ZMAT2: variants seen among roughly 807,000 people sequenced by gnomAD.
ZMAT2 encodes zinc finger matrin-type protein 2.
A neutral mutation model predicts 27.5 loss-of-function variants in ZMAT2; 5 were observed. The ratio of observed to expected loss-of-function variants is 0.18; its 90% CI spans 0.10 to 0.38. The LOEUF is 0.38. Among genes scored for constraint, ZMAT2 ranks in the 10% least tolerant of loss-of-function variants. The pLI, the probability that ZMAT2 is intolerant of heterozygous loss-of-function variation, is 1.00. For synonymous variants in ZMAT2, 76 were observed against 78.6 expected (o/e 0.97, Z 0.17); for missense variants, 124 against 243.9 (o/e 0.51, Z 3.27).
intron 2 of ZMAT2, 132 bp from the exon 3 acceptor site, chr5:140,701,870 TTTAA>T: frequency 9.6e-7 from 1 of 1,040,876 alleles, no homozygotes. Context: ...CAGCTGCTAC[TTTAA>T]GTGTCTGTTG....
chr5:140,703,618 T>G (rs1581560238), intron 3 of ZMAT2, among the ~76,000 whole-genome samples: 4 of 152,204 alleles, frequency 2.6e-5, no homozygotes, highest in Admixed American at 2.6e-4. Context: ...ACAGAAGGCA[T>G]GGTTTTTAAA....
At chr5:140,701,442 A>G (rs1177678003) in intron 2 of ZMAT2, among the ~76,000 whole-genome samples, 2 of 152,192 alleles carry the variant, frequency 1.3e-5, no homozygotes, top group Non-Finnish European at 2.9e-5. Context: ...TGTTTAAGAG[A>G]TTGCATAAAG....
chr5:140,704,733 A>G (rs1760023807), intron 5 of ZMAT2, among the ~76,000 whole-genome samples, 162 bp downstream of exon 5: 2 of 146,328 alleles, frequency 1.4e-5, no homozygotes, highest in South Asian at 2.1e-4. Context: ...TAGGATTCTC[A>G]TGATCTGAAG....
At chr5:140,701,279 C>T (rs1759959585) in intron 2 of ZMAT2, among the ~76,000 whole-genome samples, 1 of 152,100 alleles carries the variant, frequency 6.6e-6, no homozygotes, top group Non-Finnish European at 1.5e-5. Flanking sequence ...CTTGAAATTT[C>T]TTAAGGGAGA....
At chr5:140,701,242 A>G (rs550898829) in intron 2 of ZMAT2, among the ~76,000 whole-genome samples, 1 of 152,132 alleles carries the variant, frequency 6.6e-6, no homozygotes, top group Non-Finnish European at 1.5e-5. Flanking sequence ...GCTGTGCATT[A>G]CCGCTATCAG....
intron 3 of ZMAT2, among the ~76,000 whole-genome samples, chr5:140,703,094 C>T (rs1759993890): frequency 6.6e-6 from 1 of 152,140 alleles, no homozygotes; most frequent in African/African-American, 2.4e-5. Flanking sequence ...AAGCTGCAAT[C>T]AAGGAGTTGG....
At position 140,700,475 on chromosome 5, in the gene ZMAT2, C is replaced by G; in HGVS notation, c.15C>G (p.Ser5Arg). MASG[S>R]GTKNLDFRRK... ...TCGCTGTGAAGATGGCGTCGGGCAG[C>G]GGGGTAGGTGTTGTGTCTGAGGAGG... Residue 5 changes from serine (S) to arginine (R), a missense_variant, in exon 1 of 6, where the codon AGC becomes AGG. Physicochemically the swap from Ser to Arg is moderately radical, Grantham distance 110. Transcript: ENST00000274712. 1.2e-6 allele frequency: 2 copies of G among 1,612,856 alleles called. No individual in the cohort carries two copies. Among genetic ancestry groups the G allele is most frequent in the Non-Finnish European group, 8.5e-7 (1 of 1,179,824 alleles).
chr5:140,705,564 A>G (rs185430996), intron 5 of ZMAT2, 49 bp from the exon 6 acceptor site: 2 of 1,558,028 alleles, frequency 1.3e-6, no homozygotes, highest in East Asian at 2.3e-5. Flanking sequence ...GTTACAAACA[A>G]CATTTGGCTG....
At position 140,706,554 on chromosome 5, in the gene ZMAT2, A is replaced by G. The variant is rs1728076731; in HGVS notation, c.*798A>G. Reference sequence around the variant, plus strand: ...TTGGAAGAACCTGTTTGATGCAAAAAAGAAAATGAAAAACAAAACAAAAAA... The same window carrying G: ...TTGGAAGAACCTGTTTGATGCAAAAGAGAAAATGAAAAACAAAACAAAAAA... On this transcript the variant is annotated 3_prime_UTR_variant, in exon 6 of 6. Transcript: ENST00000274712. 6.6e-6 allele frequency: 1 copy of G among 152,658 alleles called. No homozygotes were observed. 9.5% of individuals were successfully genotyped at this position (152,658 alleles called of 1,614,324 possible). A position where few individuals can be genotyped will look rare whatever the true frequency, so the allele number is the denominator to read the frequency against.
chr5:140,704,629 T>C (rs1290782184), intron 5 of ZMAT2, 58 bp downstream of exon 5: 6 of 1,585,000 alleles, frequency 3.8e-6, no homozygotes, highest in Non-Finnish European at 4.3e-6. Flanking sequence ...TTATGAATCA[T>C]GGGAGACCCT....
chr5:140,705,758 G>C lies in ZMAT2; in HGVS notation c.*2G>C, dbSNP rs370191105. On this transcript the variant is annotated 3_prime_UTR_variant, in exon 6 of 6. Transcript: ENST00000274712. ...GGTTCCACCAAGAAGAGTTACTGAGGCTTTCTGTGCTTGGCCTGACTTTGG... is the reference window on the plus strand; with the variant it reads ...GGTTCCACCAAGAAGAGTTACTGAGCCTTTCTGTGCTTGGCCTGACTTTGG... 9 of 1,613,398 alleles carry C rather than the reference G, an allele frequency of 5.6e-6. No homozygotes were observed. The African/African-American group carries it at 1.1e-4, about 19-fold the overall frequency.
chr5:140,704,936 T>G (rs1760031328), intron 5 of ZMAT2, among the ~76,000 whole-genome samples: 1 of 152,098 alleles, frequency 6.6e-6, no homozygotes, highest in African/African-American at 2.4e-5. Context: ...CCTAACCTAC[T>G]GTAGTTTAGC....
rs1239572958 is a variant in ZMAT2, at chr5:140,704,816, A to T, written c.456+245A>T. ...TTTTTTTTTTTGTAATTTAAAAAAAAATTTTTTTTTTTTTTGGTCATACAG... is the reference window on the plus strand; with the variant it reads ...TTTTTTTTTTTGTAATTTAAAAAAATATTTTTTTTTTTTTTGGTCATACAG... On this transcript the variant is annotated intron_variant, in intron 5 of 5. Coordinates refer to ENST00000274712, the MANE Select transcript of ZMAT2 (RefSeq NM_144723.3). 8.2e-3 allele frequency among the ~76,000 whole-genome samples: 1,218 copies of T among 149,048 alleles called. 18 individuals are homozygous for T. Among genetic ancestry groups the T allele is most frequent in the African/African-American group, 0.027 (1,105 of 40,212 alleles).
At chr5:140,704,659 T>G (rs1281708899) in intron 5 of ZMAT2, 88 bp downstream of exon 5, 4 of 1,414,068 alleles carry the variant, frequency 2.8e-6, no homozygotes, top group Non-Finnish European at 3.8e-6. Flanking sequence ...CCACTCCTAC[T>G]CCCACCCCCA....
chr5:140,701,500 C>A (rs949648426), intron 2 of ZMAT2, among the ~76,000 whole-genome samples: 1 of 152,160 alleles, frequency 6.6e-6, no homozygotes, highest in African/African-American at 2.4e-5. Flanking sequence ...TTCTTCTTTC[C>A]CTTTACCTCC....
chr5:140,701,408 A>C (rs953333557), intron 2 of ZMAT2, among the ~76,000 whole-genome samples: 1 of 152,220 alleles, frequency 6.6e-6, no homozygotes, highest in Non-Finnish European at 1.5e-5. Flanking sequence ...TGCCTTGTAC[A>C]TCAGGGAGTT....
At chr5:140,703,486 G>A (rs536425558) in intron 3 of ZMAT2, among the ~76,000 whole-genome samples, 2 of 151,976 alleles carry the variant, frequency 1.3e-5, no homozygotes, top group East Asian at 3.9e-4. Context: ...CGCCCGCCTC[G>A]GCCTCCCAAA....
intron 5 of ZMAT2, 149 bp from the exon 6 acceptor site, chr5:140,705,464 C>G: frequency 1.1e-6 from 1 of 925,884 alleles, no homozygotes; most frequent in South Asian, 2.5e-5. Context: ...CTCTTTGTGC[C>G]TCAATATCCC....
chr5:140,701,068 G>A (rs1759953358), intron 2 of ZMAT2, among the ~76,000 whole-genome samples, 156 bp downstream of exon 2: 1 of 152,208 alleles, frequency 6.6e-6, no homozygotes, highest in South Asian at 2.1e-4. Flanking sequence ...CAAAATGAGA[G>A]CGAGGAGGTG....
Sources: gnomAD v4.1 joint callset for allele counts (sites outside exome capture counted in the v4.1 genomes callset) on GRCh38, gnomAD v4.1.1 for gene constraint, MANE v1.5 for transcripts, NCBI Gene and HGNC (gene_info 2026-07-23, HGNC 2026-07-21) for gene names.